LHPP: variants seen among roughly 807,000 people sequenced by gnomAD.
LHPP encodes hLHPP.
In LHPP, 24 loss-of-function variants were observed where a neutral mutation model predicts 30.3. The ratio of observed to expected loss-of-function variants is 0.79; its 90% CI spans 0.57 to 1.11. LHPP has a LOEUF of 1.11. Ranked by LOEUF, LHPP falls within the 50% of genes most tolerant of loss-of-function variation. LHPP has a pLI of 0.00. For synonymous variants in LHPP, 150 were observed against 157.1 expected (o/e 0.95, Z 0.34); for missense variants, 356 against 367.2 (o/e 0.97, Z 0.25).
intron 6 of LHPP, among the ~76,000 whole-genome samples, chr10:124,566,267 A>G (rs908743350): frequency 6.6e-6 from 1 of 152,186 alleles, no homozygotes; most frequent in African/African-American, 2.4e-5. Flanking sequence ...GGTTGGCATC[A>G]TGGGACCCCT....
chr10:124,596,862 T>C lies in LHPP; in HGVS notation c.717-16402T>C, dbSNP rs1197672137. Among the ~76,000 whole-genome samples the C allele has an allele frequency of 6.6e-6, 1 of 152,228 alleles. No homozygotes were observed. Among genetic ancestry groups the C allele is most frequent in the African/African-American group, 2.4e-5 (1 of 41,464 alleles). On this transcript the variant is annotated intron_variant, in intron 6 of 6. Coordinates refer to ENST00000368842, the MANE Select transcript of LHPP (RefSeq NM_022126.4). The surrounding 1 kb of genome is among the most constrained non-coding windows in gnomAD (Gnocchi z 4.6). ...TAGATGGCTGGTAAAGTTTTGTTTC[T>C]GGCTGGTTAAGTGTGTCTGTGAGGG... is the stretch of plus-strand genomic sequence containing the variant.
intron 1 of LHPP, among the ~76,000 whole-genome samples, chr10:124,471,076 C>T (rs1397005376): frequency 2.6e-5 from 4 of 152,024 alleles, no homozygotes; most frequent in Non-Finnish European, 1.5e-5. Context: ...GTGAAAAGTC[C>T]AAGTCCTCCA....
intron 6 of LHPP, among the ~76,000 whole-genome samples, chr10:124,540,686 C>G (rs539877134): frequency 6.6e-6 from 1 of 152,308 alleles, no homozygotes; most frequent in African/African-American, 2.4e-5. Flanking sequence ...TGGTTTGACT[C>G]ACAGGCAGGG....
intron 3 of LHPP, among the ~76,000 whole-genome samples, chr10:124,489,513 G>A (rs548932264): frequency 3.3e-5 from 5 of 152,116 alleles, no homozygotes; most frequent in African/African-American, 7.2e-5. Context: ...GGAGTGCAGC[G>A]GCGTGATCTC....
At chr10:124,574,672 G>C (rs191378895) in intron 6 of LHPP, among the ~76,000 whole-genome samples, 5 of 152,310 alleles carry the variant, frequency 3.3e-5, no homozygotes, top group Non-Finnish European at 4.4e-5. Context: ...GGCAGCATCT[G>C]ATTTGGGCCC....
intron 6 of LHPP, among the ~76,000 whole-genome samples, chr10:124,519,332 G>GT (rs1317014420): frequency 1.3e-5 from 2 of 152,114 alleles, no homozygotes; most frequent in South Asian, 2.1e-4. Context: ...TAATATTTTG[G>GT]TTTTTTCTTT....
intron 6 of LHPP, among the ~76,000 whole-genome samples, chr10:124,579,375 A>T (rs1418475299): frequency 6.6e-6 from 1 of 152,234 alleles, no homozygotes; most frequent in Non-Finnish European, 1.5e-5. Context: ...AAACTTACAT[A>T]GCACCTATTC....
At chr10:124,562,013 T>C (rs985439355) in intron 6 of LHPP, among the ~76,000 whole-genome samples, 5 of 152,210 alleles carry the variant, frequency 3.3e-5, no homozygotes, top group Non-Finnish European at 2.9e-5. Context: ...AGCAAAGAAA[T>C]AGAAGATACA....
intron 1 of LHPP, among the ~76,000 whole-genome samples, chr10:124,481,696 G>C (rs1028324424): frequency 6.6e-6 from 1 of 151,966 alleles, no homozygotes; most frequent in Non-Finnish European, 1.5e-5. Flanking sequence ...TGCCCTCTCA[G>C]TGGTCCTCCA....
intron 3 of LHPP, chr10:124,493,930 C>G (rs1953618666): frequency 6.6e-6 from 1 of 152,124 alleles, no homozygotes; most frequent in Non-Finnish European, 1.5e-5. Flanking sequence ...CCTCAAGATG[C>G]CTTTTTGTTT....
At chr10:124,550,407 T>C (rs1442754087) in intron 6 of LHPP, among the ~76,000 whole-genome samples, 1 of 152,224 alleles carries the variant, frequency 6.6e-6, no homozygotes. Context: ...CTGTCCTCCT[T>C]TGCGCCCACG....
At chr10:124,463,850 C>G (rs964403200) in intron 1 of LHPP, among the ~76,000 whole-genome samples, 1 of 124,902 alleles carries the variant, frequency 8.0e-6, no homozygotes, top group Non-Finnish European at 1.6e-5. Flanking sequence ...GAGACAAGGT[C>G]TTACTTTGCC....
At chr10:124,535,506 G>A (rs945129464) in intron 6 of LHPP, among the ~76,000 whole-genome samples, 2 of 152,018 alleles carry the variant, frequency 1.3e-5, no homozygotes, top group Admixed American at 6.5e-5. Context: ...TGAGATTCTC[G>A]CATCTCAGCC....
chr10:124,476,597 C>T (rs1952953325), intron 1 of LHPP, among the ~76,000 whole-genome samples: 1 of 152,224 alleles, frequency 6.6e-6, no homozygotes, highest in Non-Finnish European at 1.5e-5. Flanking sequence ...CTCCTACCTG[C>T]AGGTGGTCCC....
intron 6 of LHPP, among the ~76,000 whole-genome samples, chr10:124,608,425 A>T (rs987172027): frequency 5.9e-5 from 9 of 152,194 alleles, no homozygotes; most frequent in Admixed American, 5.9e-4. Context: ...ACCCGCGCCA[A>T]CCAACCTGTC....
At chr10:124,548,128 C>T (rs1197972660) in intron 6 of LHPP, among the ~76,000 whole-genome samples, 4 of 152,214 alleles carry the variant, frequency 2.6e-5, no homozygotes, top group African/African-American at 4.8e-5. Context: ...AGAAAACCTA[C>T]GTAAGCACTA....
rs573122771 is a variant in LHPP at position 124,551,471 on chromosome 10, G to A, written c.716+34200G>A. Among the ~76,000 whole-genome samples, 4 of 152,326 alleles carry A rather than the reference G, an allele frequency of 2.6e-5. No homozygotes were observed. In the East Asian group the frequency reaches 5.8e-4, roughly 22 times the overall value. The stretch of plus-strand genomic sequence containing the variant: ...TGCTCTGCAGGGTGGGGGCGGGGGG[G>A]CAGAGCCTGCCAGCCCCTCCCACAC... On this transcript the variant is annotated intron_variant, in intron 6 of 6. Coordinates refer to ENST00000368842, the MANE Select transcript of LHPP (RefSeq NM_022126.4).
chr10:124,476,657 G>GCACATCGGGGTGGGCTCATC (rs1564772735), intron 1 of LHPP, among the ~76,000 whole-genome samples: 9 of 152,132 alleles, frequency 5.9e-5, no homozygotes, highest in African/African-American at 2.2e-4. Context: ...GTGGGCTCAT[G>GCACATCGGGGTGGGCTCATC]CGCACATCAG....
chr10:124,566,819 G>A (rs1446022224), intron 6 of LHPP, among the ~76,000 whole-genome samples: 1 of 152,122 alleles, frequency 6.6e-6, no homozygotes, highest in Non-Finnish European at 1.5e-5. Context: ...GGATTCTGTT[G>A]GATTTCCCTG....
Sources: allele counts gnomAD v4.1 joint callset (sites outside exome capture counted in the v4.1 genomes callset), GRCh38; gene constraint gnomAD v4.1.1; non-coding constraint Gnocchi (gnomAD v3.1); transcripts MANE v1.5; gene names NCBI Gene and HGNC (gene_info 2026-07-23, HGNC 2026-07-21).